The following HSPB8 variants were observed in gnomAD, a reference collection of about 807,000 sequenced individuals.
HSPB8 encodes the protein heat shock protein beta-8.
In HSPB8, 9 loss-of-function variants were observed where a neutral mutation model predicts 16.5. The observed-to-expected ratio is 0.55, with a 90% CI of 0.33 to 0.95. The LOEUF (loss-of-function observed/expected upper bound fraction) is 0.95, where lower values mean the gene tolerates loss of function less well. HSPB8 is among the 40% of genes least tolerant of loss of function. The pLI is 0.03. For missense variants in HSPB8, 238 were observed against 251.2 expected (o/e 0.95, Z 0.35); for synonymous variants, 99 against 94.8 (o/e 1.04, Z -0.26).
At chr12:119,181,502 G>T (rs1400225489) in intron 1 of HSPB8, among the ~76,000 whole-genome samples, 1 of 152,132 alleles carries the variant, frequency 6.6e-6, no homozygotes, top group African/African-American at 2.4e-5. Context: ...ATAGAATGGG[G>T]GGTAGGTTGG....
intron 1 of HSPB8, among the ~76,000 whole-genome samples, chr12:119,180,598 T>C (rs1186735712): frequency 6.6e-6 from 1 of 152,132 alleles, no homozygotes; most frequent in Non-Finnish European, 1.5e-5. Context: ...TGCACAGCTT[T>C]AGGCCCAGGG....
At chr12:119,188,225 A>C (rs867649709) in intron 2 of HSPB8, among the ~76,000 whole-genome samples, 2 of 141,998 alleles carry the variant, frequency 1.4e-5, no homozygotes, top group Middle Eastern at 3.5e-3. Flanking sequence ...CTGGCCCCTA[A>C]ACTCTCTCTC....
intron 2 of HSPB8, among the ~76,000 whole-genome samples, chr12:119,189,188 G>C (rs1315295705): frequency 1.3e-5 from 2 of 152,164 alleles, no homozygotes; most frequent in South Asian, 2.1e-4. Flanking sequence ...GAAGGCAGGG[G>C]GTGGGGGGAA....
rs569999410 is a variant in HSPB8 at position 119,189,470 on chromosome 12, C to T, written c.431+2382C>T. 3.9e-5 allele frequency among the ~76,000 whole-genome samples: 6 copies of T among 152,088 alleles called. No homozygotes were observed. The East Asian group carries it at 7.7e-4, about 20-fold the overall frequency. On this transcript the variant is annotated intron_variant, in intron 2 of 2. Coordinates refer to ENST00000281938, the MANE Select transcript of HSPB8 (RefSeq NM_014365.3). ...CTAGTTGTTAAAATATTCAGTGGTC[C>T]CCAACCTTTTTGGCACCAGGGACCA...
chr12:119,179,183 C>A lies in HSPB8; in HGVS notation c.-130C>A, dbSNP rs944410140. 1 of 950,374 alleles carries A rather than the reference C, an allele frequency of 1.1e-6. No homozygotes were observed. The highest frequency in any genetic ancestry group is 1.9e-5 in the Admixed American group (1 of 51,570). The allele number at this position is 950,374 out of a possible 1,614,324, so 58.9% of individuals were successfully genotyped here. ...CCTGGCAGTGGTTGGTTCTGCTTCT[C>A]CCTGCAGAAAAGCAGCATTTTCGGA... On this transcript the variant is annotated 5_prime_UTR_variant, in exon 1 of 3. Coordinates refer to ENST00000281938, the MANE Select transcript of HSPB8 (RefSeq NM_014365.3).
intron 1 of HSPB8, chr12:119,182,837 C>T (rs982503307): frequency 5.3e-5 from 8 of 152,048 alleles, no homozygotes; most frequent in African/African-American, 1.9e-4. Context: ...CCCCATTATA[C>T]AGATAAGGAA....
In HSPB8 at chr12:119,193,876, A is replaced by G; in HGVS notation, c.*18A>G. On this transcript the variant is annotated 3_prime_UTR_variant, in exon 3 of 3. Coordinates refer to ENST00000281938, the MANE Select transcript of HSPB8 (RefSeq NM_014365.3). ...GTACCTGAGATGCCAGTACTGGCCC[A>G]TCCTTGTTTTGTCCCCAACCCTAGG... is the stretch of plus-strand genomic sequence containing the variant. The G allele has an allele frequency of 6.2e-7, 1 of 1,613,690 alleles. No individual in the cohort carries two copies. The highest frequency in any genetic ancestry group is 1.3e-5 in the African/African-American group (1 of 75,032).
rs892778126 is a variant in HSPB8, at chr12:119,194,638, G to A, written c.*780G>A. 1 of 202,440 alleles carries A rather than the reference G, an allele frequency of 4.9e-6. No individual in the cohort carries two copies. Among genetic ancestry groups the A allele is most frequent in the Non-Finnish European group, 9.6e-6 (1 of 103,714 alleles). The allele number at this position is 202,440 out of a possible 1,614,324, so 12.5% of individuals were successfully genotyped here. On this transcript the variant is annotated 3_prime_UTR_variant, in exon 3 of 3. Transcript: ENST00000281938. ...GATAGGCTAGTGGTATTGTGTATAT[G>A]GGCGGGACGTGTGTGTCATTATTAT...
At chr12:119,187,823 C>A (rs1275140859) in intron 2 of HSPB8, among the ~76,000 whole-genome samples, 5 of 152,342 alleles carry the variant, frequency 3.3e-5, no homozygotes, top group East Asian at 3.9e-4. Flanking sequence ...ATCTTCCAGG[C>A]TGCTTGCTCA....
In HSPB8 at chr12:119,179,178, C is replaced by A; in HGVS notation, c.-135C>A. 1 of 918,082 alleles carries A rather than the reference C, an allele frequency of 1.1e-6. No individual in the cohort carries two copies. The highest frequency in any genetic ancestry group is 1.7e-6 in the Non-Finnish European group (1 of 580,638). 56.9% of individuals were successfully genotyped at this position (918,082 alleles called of 1,614,324 possible). ...CCGTCCCTGGCAGTGGTTGGTTCTG[C>A]TTCTCCCTGCAGAAAAGCAGCATTT... is the stretch of plus-strand genomic sequence containing the variant. On this transcript the variant is annotated 5_prime_UTR_variant, in exon 1 of 3. Transcript: ENST00000281938.
chr12:119,182,206 A>G (rs543199487), intron 1 of HSPB8: 1 of 152,238 alleles, frequency 6.6e-6, no homozygotes, highest in Admixed American at 6.5e-5. Context: ...TTGGGAGCTT[A>G]AATAAGACAA....
intron 1 of HSPB8, 188 bp from the exon 2 acceptor site, chr12:119,186,837 T>A (rs1237877633): frequency 1.6e-6 from 1 of 633,498 alleles, no homozygotes; most frequent in Non-Finnish European, 2.8e-6. Context: ...ATAGCCAGCC[T>A]TGGAAGTGGA....
intron 1 of HSPB8, among the ~76,000 whole-genome samples, chr12:119,181,225 C>T (rs560378801): frequency 1.6e-4 from 24 of 152,280 alleles, no homozygotes; most frequent in Non-Finnish European, 2.9e-4. Flanking sequence ...GACACAGCCT[C>T]AGGAAGTCCT....
At chr12:119,183,030 G>A (rs1257389373) in intron 1 of HSPB8, 1 of 152,206 alleles carries the variant, frequency 6.6e-6, no homozygotes, top group African/African-American at 2.4e-5. Context: ...GTCTTATGAA[G>A]AGGTAGACAA....
Position 119,187,052 on chromosome 12 carries a change from G to A in HSPB8, c.395G>A (p.Gly132Asp), listed in dbSNP as rs1236479906. 6.2e-7 allele frequency: 1 copy of A among 1,614,116 alleles called. No homozygotes were observed. Among genetic ancestry groups the A allele is most frequent in the East Asian group, 2.2e-5 (1 of 44,876 alleles). The change falls in exon 2 of 3, where the codon GGT becomes GAT. Residue 132 changes from glycine (G) to aspartate (D), a missense_variant. Gly to Asp is a moderately conservative substitution (Grantham distance 94, BLOSUM62 -1). Coordinates refer to ENST00000281938, the MANE Select transcript of HSPB8 (RefSeq NM_014365.3). ...AAACATGAAGAGAAACAGCAAGAAG[G>A]TGGCATTGTTTCTAAGAACTTCACA... ...SGKHEEKQQE[G>D]GIVSKNFTKK...
In HSPB8 at chr12:119,179,018, C is replaced by CAGCCTGGGA. The variant is rs1954615292; in HGVS notation, c.-285_-277dup. ...CAGCGGTTCTGGCTGCCAGCCTGGG[C>CAGCCTGGGA]AGCCTGGGAAGCCTGGGAGGACGGT... is the stretch of plus-strand genomic sequence containing the variant. On this transcript the variant is annotated 5_prime_UTR_variant, in exon 1 of 3. Transcript: ENST00000281938. 1.4e-5 allele frequency: 7 copies of CAGCCTGGGA among 505,076 alleles called. No homozygotes were observed. Among genetic ancestry groups the CAGCCTGGGA allele is most frequent in the Non-Finnish European group, 2.5e-5 (7 of 277,584 alleles). 31.3% of individuals were successfully genotyped at this position (505,076 alleles called of 1,614,324 possible).
chr12:119,179,670 G>A lies in HSPB8; in HGVS notation c.358G>A (p.Glu120Lys). 1 of 1,580,320 alleles carries A rather than the reference G, an allele frequency of 6.3e-7. No individual in the cohort carries two copies. The highest frequency in any genetic ancestry group is 8.6e-7 in the Non-Finnish European group (1 of 1,164,720). ...GGTGAAGACCAAAGATGGATACGTG[G>A]AGGTGTCTGGTAAGTCAGGGGCAGG... ...LMVKTKDGYV[E>K]VSGKHEEKQQ... The change falls in exon 1 of 3, where the codon GAG becomes AAG. Residue 120 changes from glutamate (E) to lysine (K), a missense_variant. Glu to Lys is a moderately conservative substitution (Grantham distance 56). Coordinates refer to ENST00000281938, the MANE Select transcript of HSPB8 (RefSeq NM_014365.3).
intron 2 of HSPB8, 149 bp downstream of exon 2, chr12:119,187,237 G>GAA: frequency 1.4e-6 from 1 of 703,462 alleles, no homozygotes; most frequent in Non-Finnish European, 2.6e-6. Flanking sequence ...CTAACGAGGA[G>GAA]AAAATATCCC....
chr12:119,186,366 G>C (rs1235673041), intron 1 of HSPB8, among the ~76,000 whole-genome samples: 1 of 152,120 alleles, frequency 6.6e-6, no homozygotes, highest in African/African-American at 2.4e-5. Flanking sequence ...AGCTAATCGG[G>C]AGCTGGAACA....
Sources: allele counts gnomAD v4.1 joint callset (sites outside exome capture counted in the v4.1 genomes callset), GRCh38; gene constraint gnomAD v4.1.1; transcripts MANE v1.5; gene names NCBI Gene and HGNC (gene_info 2026-07-23, HGNC 2026-07-21).